Variants in MCTP1 observed in about 807,000 individuals in gnomAD.
MCTP1 encodes the protein multiple C2 and transmembrane domain containing 1.
In MCTP1, 69 loss-of-function variants were observed where a neutral mutation model predicts 120.6. The observed-to-expected ratio is 0.57, with a 90% CI of 0.47 to 0.70. MCTP1 has a LOEUF of 0.70. MCTP1 is among the 30% of genes least tolerant of loss of function. The pLI is 0.00. For synonymous variants in MCTP1, 529 were observed against 493.1 expected, an observed-to-expected ratio of 1.07 and a Z score of -0.96; for missense variants, 1,203 against 1,248.8, an observed-to-expected ratio of 0.96 and a Z score of 0.55.
chr5:95,045,467 T>G (rs1273784929), intron 1 of MCTP1, among the ~76,000 whole-genome samples: 2 of 152,180 alleles, frequency 1.3e-5, no homozygotes, highest in Non-Finnish European at 2.9e-5. Flanking sequence ...ACTGACTTGC[T>G]GAATAAATGA....
chr5:94,951,940 G>A (rs1197250659), intron 3 of MCTP1, among the ~76,000 whole-genome samples: 1 of 152,096 alleles, frequency 6.6e-6, no homozygotes, highest in Non-Finnish European at 1.5e-5. Flanking sequence ...GGGAGGCCGA[G>A]GAGCACAGAT....
At chr5:95,218,202 T>C (rs1753253236) in intron 1 of MCTP1, among the ~76,000 whole-genome samples, 1 of 152,204 alleles carries the variant, frequency 6.6e-6, no homozygotes, top group African/African-American at 2.4e-5. Flanking sequence ...ATGAAAAGAA[T>C]TTGACAGAGC....
intron 1 of MCTP1, among the ~76,000 whole-genome samples, chr5:95,108,216 C>A (rs191094000): frequency 4.3e-4 from 66 of 152,290 alleles, no homozygotes; most frequent in Middle Eastern, 3.4e-3. Flanking sequence ...CTTACCTTAG[C>A]TGCCCTAAAG....
At chr5:94,713,345 C>A (rs1360484579) in intron 20 of MCTP1, among the ~76,000 whole-genome samples, 1 of 152,112 alleles carries the variant, frequency 6.6e-6, no homozygotes, top group East Asian at 1.9e-4. Context: ...CAAGGCTGAA[C>A]CACTGCCAAG....
At chr5:94,718,953 C>T in intron 19 of MCTP1, among the ~76,000 whole-genome samples, 1 of 152,050 alleles carries the variant, frequency 6.6e-6, no homozygotes, top group South Asian at 2.1e-4. Flanking sequence ...ACTCCTGACC[C>T]CAGGTGATCC....
At chr5:95,168,822 A>G (rs1411148962) in intron 1 of MCTP1, among the ~76,000 whole-genome samples, 3 of 152,200 alleles carry the variant, frequency 2.0e-5, no homozygotes, top group Admixed American at 2.0e-4. Flanking sequence ...TTTTCTAAAT[A>G]TACAATCATG....
intron 1 of MCTP1, among the ~76,000 whole-genome samples, chr5:95,210,370 C>T (rs1385566083): frequency 2.5e-4 from 38 of 150,482 alleles, no homozygotes; most frequent in African/African-American, 8.6e-4. Flanking sequence ...GTATTGGGTG[C>T]ATATATATTT....
At chr5:95,232,462 T>A (rs983337067) in intron 1 of MCTP1, among the ~76,000 whole-genome samples, 126 of 150,072 alleles carry the variant, frequency 8.4e-4, no homozygotes, top group Non-Finnish European at 1.5e-3. Flanking sequence ...ATTTAATTTT[T>A]TTTTTTTTTT....
At chr5:95,201,310 T>C (rs1278539223) in intron 1 of MCTP1, among the ~76,000 whole-genome samples, 1 of 152,166 alleles carries the variant, frequency 6.6e-6, no homozygotes, top group African/African-American at 2.4e-5. Context: ...ATATGTATTT[T>C]AACAAGAGCC....
At chr5:95,062,566 C>T (rs1206812007) in intron 1 of MCTP1, among the ~76,000 whole-genome samples, 3 of 152,154 alleles carry the variant, frequency 2.0e-5, no homozygotes, top group Admixed American at 6.5e-5. Flanking sequence ...GTATTTTGAA[C>T]GCATTCCAGA....
chr5:95,284,008 C>T lies in MCTP1; in HGVS notation c.568G>A (p.Gly190Arg), dbSNP rs1760543659. 3 of 1,480,748 alleles carry T rather than the reference C, an allele frequency of 2.0e-6. No individual in the cohort carries two copies. Among genetic ancestry groups the T allele is most frequent in the South Asian group, 1.4e-5 (1 of 72,134 alleles). 91.7% of individuals were successfully genotyped at this position (1,480,748 alleles called of 1,614,324 possible). A position where few individuals can be genotyped will look rare whatever the true frequency, so the allele number is the denominator to read the frequency against. Residue 190 changes from glycine (G) to arginine (R), a missense_variant, in exon 1 of 23, where the codon GGG becomes AGG. Transcript: ENST00000515393. This position sits in a 1 kb window ranked among gnomAD's most constrained non-coding sequence, Gnocchi z 5.2. ...RDEGARRQGP[G>R]AHLCHQKSSS... The stretch of plus-strand genomic sequence containing the variant: ...CTCTTCTGGTGGCACAAGTGCGCCC[C>T]GGGGCCCTGACGCCGTGCACCCTCA...
intron 17 of MCTP1, among the ~76,000 whole-genome samples, chr5:94,825,756 T>TAC (rs1048800281): frequency 1.3e-5 from 2 of 151,736 alleles, no homozygotes; most frequent in African/African-American, 4.8e-5. Flanking sequence ...TATACATACA[T>TAC]ACATATACAT....
At chr5:95,253,131 T>C (rs1757534728) in intron 1 of MCTP1, among the ~76,000 whole-genome samples, 1 of 152,162 alleles carries the variant, frequency 6.6e-6, no homozygotes, top group Non-Finnish European at 1.5e-5. Flanking sequence ...ACTAATACAA[T>C]AAGTACAGCA....
intron 12 of MCTP1, among the ~76,000 whole-genome samples, chr5:94,878,709 T>A (rs1459962229): frequency 6.6e-6 from 1 of 152,084 alleles, no homozygotes; most frequent in Middle Eastern, 3.2e-3. Flanking sequence ...CCAGGCCATA[T>A]GAACAGAAAA....
At chr5:95,251,267 C>T (rs753251297) in intron 1 of MCTP1, among the ~76,000 whole-genome samples, 12 of 151,804 alleles carry the variant, frequency 7.9e-5, no homozygotes, top group East Asian at 1.9e-4. Context: ...GGAAAGCAAG[C>T]GCAAAGACCC....
At chr5:94,866,502 C>T (rs1012355868) in intron 17 of MCTP1, among the ~76,000 whole-genome samples, 4 of 150,962 alleles carry the variant, frequency 2.6e-5, no homozygotes, top group Non-Finnish European at 5.9e-5. Flanking sequence ...TTTCACCATC[C>T]GTGTCAGCAG....
chr5:94,777,773 A>C (rs890835817), intron 19 of MCTP1, among the ~76,000 whole-genome samples: 2 of 152,178 alleles, frequency 1.3e-5, no homozygotes, highest in Admixed American at 1.3e-4. Flanking sequence ...TAACATTAAA[A>C]ACAAGCACAT....
At chr5:94,864,186 G>C (rs1054924406) in intron 17 of MCTP1, among the ~76,000 whole-genome samples, 2 of 151,880 alleles carry the variant, frequency 1.3e-5, no homozygotes, top group Non-Finnish European at 2.9e-5. Flanking sequence ...TCAGGACAGA[G>C]GGCTGAAGCC....
intron 1 of MCTP1, among the ~76,000 whole-genome samples, chr5:95,273,271 A>G (rs978475514): frequency 6.6e-6 from 1 of 152,278 alleles, no homozygotes; most frequent in African/African-American, 2.4e-5. Flanking sequence ...ATATAAGAAC[A>G]GGAATGGATA....
Sources: gnomAD v4.1 joint callset for allele counts (sites outside exome capture counted in the v4.1 genomes callset) on GRCh38, gnomAD v4.1.1 for gene constraint, Gnocchi (gnomAD v3.1) non-coding constraint, MANE v1.5 for transcripts, NCBI Gene and HGNC (gene_info 2026-07-23, HGNC 2026-07-21) for gene names.